The following ATP2C1 variants were observed in gnomAD, a reference collection of about 807,000 sequenced individuals.
ATP2C1 encodes the protein ATPase secretory pathway Ca2+ transporting 1, also known as calcium-transporting ATPase type 2C member 1.
ATP2C1 carries 31 observed loss-of-function variants against 120.5 expected under a neutral mutation model. The observed-to-expected ratio is 0.26, with a 90% CI of 0.19 to 0.35. The LOEUF (loss-of-function observed/expected upper bound fraction) is 0.35. ATP2C1 is among the 10% of genes least tolerant of loss of function. The pLI, the probability that ATP2C1 is intolerant of heterozygous loss-of-function variation, is 1.00. For missense variants in ATP2C1, 731 were observed against 1,107.5 expected (o/e 0.66, Z 4.83); for synonymous variants, 351 against 358.7 (o/e 0.98, Z 0.24).
chr3:130,969,672 A>G (rs1181634937), intron 17 of ATP2C1, among the ~76,000 whole-genome samples: 4 of 152,184 alleles, frequency 2.6e-5, no homozygotes, highest in South Asian at 2.1e-4. Context: ...GAAGCTTGTG[A>G]CATCAGATTT....
intron 10 of ATP2C1, chr3:130,955,633 G>A (rs75884007): frequency 0.024 from 4,128 of 174,394 alleles, 191 homozygotes; most frequent in African/African-American, 0.093. Context: ...TCCAGTATGC[G>A]ATGCAAAGTG....
intron 1 of ATP2C1, among the ~76,000 whole-genome samples, chr3:130,867,153 T>C (rs765430224): frequency 6.6e-6 from 1 of 152,178 alleles, no homozygotes; most frequent in Non-Finnish European, 1.5e-5. Flanking sequence ...TTTCCCCAGC[T>C]CTCTTCTCCT....
At position 131,001,809 on chromosome 3, in the gene ATP2C1, G is replaced by A. The variant is rs1230665166; in HGVS notation, c.*459G>A. 3.0e-6 allele frequency: 3 copies of A among 985,716 alleles called. No individual in the cohort carries two copies. Among genetic ancestry groups the A allele is most frequent in the Non-Finnish European group, 2.4e-6 (2 of 830,010 alleles). The allele number at this position is 985,716 out of a possible 1,614,324, so 61.1% of individuals were successfully genotyped here. A position where few individuals can be genotyped will look rare whatever the true frequency, so the allele number is the denominator to read the frequency against. ...TTGGTTTAGAAGTTGATTCCCAGGA[G>A]TGCCATATTTCAGCTACTGTATTTC... On this transcript the variant is annotated 3_prime_UTR_variant, in exon 28 of 28. Coordinates refer to ENST00000510168, the MANE Select transcript of ATP2C1 (RefSeq NM_001378687.1).
intron 7 of ATP2C1, among the ~76,000 whole-genome samples, chr3:130,941,254 G>GTGTGTGTGTGTC (rs1553764239): frequency 4.0e-5 from 6 of 149,614 alleles, no homozygotes; most frequent in African/African-American, 1.2e-4. Context: ...GTGTGTGTGT[G>GTGTGTGTGTGTC]TGTGTGTGTG....
At chr3:130,937,268 T>C (rs2059714012) in intron 5 of ATP2C1, among the ~76,000 whole-genome samples, 160 bp from the exon 6 acceptor site, 1 of 152,216 alleles carries the variant, frequency 6.6e-6, no homozygotes, top group South Asian at 2.1e-4. Context: ...TTAGCTTCTT[T>C]CCCCACAGGC....
intron 16 of ATP2C1, among the ~76,000 whole-genome samples, chr3:130,967,691 GTTGAGATC>G (rs750219771): frequency 1.8e-4 from 27 of 151,276 alleles, no homozygotes; most frequent in Non-Finnish European, 4.0e-4. Context: ...CTTCCACAAT[GTTGAGATC>G]TACATGTGAA....
chr3:131,009,629 G>A (rs1386289380), intron 26 of ATP2C1, among the ~76,000 whole-genome samples: 2 of 152,092 alleles, frequency 1.3e-5, no homozygotes, highest in East Asian at 1.9e-4. Context: ...TTAACATGAA[G>A]TTCTCGTCTT....
chr3:130,915,257 C>T (rs921576139), intron 2 of ATP2C1, among the ~76,000 whole-genome samples: 1 of 151,990 alleles, frequency 6.6e-6, no homozygotes, highest in African/African-American at 2.4e-5. Flanking sequence ...CTACGTCCAG[C>T]TAATTTTTGT....
chr3:130,856,144 G>A (rs1427059796), intron 1 of ATP2C1: 4 of 152,244 alleles, frequency 2.6e-5, no homozygotes, highest in African/African-American at 7.2e-5. Flanking sequence ...TGTTTTGGAA[G>A]CTGTTCTAAA....
intron 1 of ATP2C1, among the ~76,000 whole-genome samples, chr3:130,885,285 C>T (rs961801644): frequency 6.6e-6 from 1 of 152,154 alleles, no homozygotes; most frequent in African/African-American, 2.4e-5. Context: ...GTTTTTTAAT[C>T]TATTCAGCCA....
chr3:130,872,022 C>CAAAAA (rs11347303), intron 1 of ATP2C1, among the ~76,000 whole-genome samples: 1 of 117,576 alleles, frequency 8.5e-6, no homozygotes. Flanking sequence ...AACTCTGTCT[C>CAAAAA]AAAAAAAAAA....
chr3:130,958,876 T>G (rs2060694509), intron 11 of ATP2C1, among the ~76,000 whole-genome samples: 1 of 152,208 alleles, frequency 6.6e-6, no homozygotes, highest in Non-Finnish European at 1.5e-5. Flanking sequence ...TTTTAGGGTT[T>G]AATTTTGCAT....
chr3:130,894,040 C>T (rs1198885888), upstream of ATP2C1: 4 of 986,354 alleles, frequency 4.1e-6, no homozygotes, highest in Non-Finnish European at 4.8e-6. The surrounding 1 kb of genome is among the most constrained non-coding windows in gnomAD (Gnocchi z 4.5). Context: ...GACTGGGCGG[C>T]CGGCGGCGGG....
chr3:130,986,112 C>G (rs1164177016), intron 20 of ATP2C1, among the ~76,000 whole-genome samples: 1 of 151,144 alleles, frequency 6.6e-6, no homozygotes, highest in Non-Finnish European at 1.5e-5. Flanking sequence ...CACTGCCACC[C>G]AGAGAGCTGG....
intron 16 of ATP2C1, 146 bp from the exon 17 acceptor site, chr3:130,969,146 G>C: frequency 1.5e-6 from 1 of 679,724 alleles, no homozygotes; most frequent in Non-Finnish European, 2.7e-6. Context: ...GGGAAGTACA[G>C]TATATATAGA....
intron 2 of ATP2C1, chr3:130,919,083 G>C: frequency 2.1e-6 from 1 of 473,718 alleles, no homozygotes; most frequent in Non-Finnish European, 4.1e-6. Context: ...CCCTCCCGCA[G>C]ACCCCACACT....
At chr3:130,926,658 G>T (rs2059219817) in intron 2 of ATP2C1, among the ~76,000 whole-genome samples, 1 of 152,190 alleles carries the variant, frequency 6.6e-6, no homozygotes, top group Non-Finnish European at 1.5e-5. Context: ...TTCTACTAAG[G>T]CTAGGAATGT....
chr3:130,867,035 T>C (rs1414424971), intron 1 of ATP2C1, among the ~76,000 whole-genome samples: 2 of 152,232 alleles, frequency 1.3e-5, no homozygotes, highest in Non-Finnish European at 2.9e-5. Context: ...CCTGTGGTAA[T>C]TTTTGATGTT....
At chr3:130,989,591 C>T (rs2062215001) in intron 20 of ATP2C1, among the ~76,000 whole-genome samples, 1 of 151,696 alleles carries the variant, frequency 6.6e-6, no homozygotes, top group African/African-American at 2.4e-5. Flanking sequence ...AAACACAAAC[C>T]CTAAAGAACA....
Sources: allele counts gnomAD v4.1 joint callset (sites outside exome capture counted in the v4.1 genomes callset), GRCh38; gene constraint gnomAD v4.1.1; non-coding constraint Gnocchi (gnomAD v3.1); transcripts MANE v1.5; gene names NCBI Gene and HGNC (gene_info 2026-07-23, HGNC 2026-07-21).